ASTN2: variants seen among roughly 807,000 people sequenced by gnomAD.
ASTN2 encodes astrotactin-2.
ASTN2 carries 54 observed loss-of-function variants against 139.8 expected under a neutral mutation model. The observed-to-expected ratio is 0.39, with a 90% CI of 0.31 to 0.48. The LOEUF (loss-of-function observed/expected upper bound fraction) is 0.48. ASTN2 is among the 20% of genes least tolerant of loss of function. The pLI is 0.95. For missense variants in ASTN2, 1,565 were observed against 1,725.1 expected, an observed-to-expected ratio of 0.91 and a Z score of 1.64; for synonymous variants, 756 against 719.5, an observed-to-expected ratio of 1.05 and a Z score of -0.81.
intron 16 of ASTN2, among the ~76,000 whole-genome samples, chr9:116,708,875 C>A (rs1453141587): frequency 6.6e-6 from 1 of 152,222 alleles, no homozygotes; most frequent in Non-Finnish European, 1.5e-5. Flanking sequence ...AATACAGGCA[C>A]TGCAATTAGT....
chr9:117,097,440 C>G (rs1828868039), intron 4 of ASTN2, among the ~76,000 whole-genome samples: 1 of 151,944 alleles, frequency 6.6e-6, no homozygotes, highest in South Asian at 2.1e-4. Flanking sequence ...AAGAAATAAC[C>G]AGGAGAGAGA....
intron 3 of ASTN2, among the ~76,000 whole-genome samples, chr9:117,189,320 A>G (rs1046523078): frequency 1.3e-5 from 2 of 152,174 alleles, no homozygotes; most frequent in African/African-American, 2.4e-5. Flanking sequence ...ATGAGTCAAG[A>G]CAAAGGCATG....
At chr9:116,964,319 G>T (rs752774790) in intron 10 of ASTN2, among the ~76,000 whole-genome samples, 2 of 149,966 alleles carry the variant, frequency 1.3e-5, no homozygotes, top group Admixed American at 6.6e-5. Flanking sequence ...AGTAAGATAC[G>T]CTAAGGGAAA....
intron 3 of ASTN2, among the ~76,000 whole-genome samples, chr9:117,146,794 AAAATT>A (rs1417285772): frequency 6.6e-6 from 1 of 152,166 alleles, no homozygotes; most frequent in Non-Finnish European, 1.5e-5. Flanking sequence ...TATGAGAAAA[AAAATT>A]AAAAGGATAG....
At chr9:116,786,817 G>A (rs557431442) in intron 13 of ASTN2, among the ~76,000 whole-genome samples, 3 of 152,190 alleles carry the variant, frequency 2.0e-5, no homozygotes, top group East Asian at 3.9e-4. Flanking sequence ...TCCTGGGAGA[G>A]ACCAGGTGAA....
At chr9:116,650,176 G>T (rs546607694) in intron 17 of ASTN2, among the ~76,000 whole-genome samples, 1 of 152,280 alleles carries the variant, frequency 6.6e-6, no homozygotes, top group Admixed American at 6.5e-5. Context: ...TGTTGTAGAA[G>T]GAGGAGTGGG....
chr9:116,839,522 C>T lies in ASTN2; in HGVS notation c.2041-18739G>A, dbSNP rs571359468. Among the ~76,000 whole-genome samples, 41 of 152,144 alleles carry T rather than the reference C, an allele frequency of 2.7e-4. 1 individual carries two copies. Among genetic ancestry groups the T allele is most frequent in the African/African-American group, 8.9e-4 (37 of 41,498 alleles). On this transcript the variant is annotated intron_variant, in intron 11 of 22. Transcript: ENST00000313400. ...TGAGACAGAGTCTCGCTCTGTCACC[C>T]AGGATGGAGTGCAGTGGCACGATCT...
chr9:117,291,606 G>A (rs752073532), intron 1 of ASTN2, 93 bp from the exon 2 acceptor site: 57 of 1,225,652 alleles, frequency 4.7e-5, no homozygotes, highest in Non-Finnish European at 6.0e-5. Context: ...GAGCTCAGAA[G>A]GCATCCATTT....
chr9:116,803,506 A>T (rs1588306094), intron 13 of ASTN2, among the ~76,000 whole-genome samples: 1 of 7,902 alleles, frequency 1.3e-4, no homozygotes, highest in East Asian at 0.011. Context: ...ATATATATAT[A>T]TATATATATA....
At chr9:116,610,408 C>G (rs890698257) in intron 19 of ASTN2, among the ~76,000 whole-genome samples, 1 of 152,106 alleles carries the variant, frequency 6.6e-6, no homozygotes, top group Non-Finnish European at 1.5e-5. Flanking sequence ...AGTTTGAGAT[C>G]AGCCTGGCCA....
chr9:116,984,837 T>C (rs1350702066), intron 7 of ASTN2, among the ~76,000 whole-genome samples: 1 of 152,190 alleles, frequency 6.6e-6, no homozygotes, highest in Non-Finnish European at 1.5e-5. Flanking sequence ...TCTCCCACTT[T>C]TCCAAATCTT....
At chr9:116,976,879 C>G (rs1029263513) in intron 7 of ASTN2, 94 bp from the exon 8 acceptor site, 2 of 1,134,842 alleles carry the variant, frequency 1.8e-6, no homozygotes, top group Admixed American at 2.1e-5. Flanking sequence ...ATAAAGTGAG[C>G]TGCTTAGTTT....
At chr9:117,093,719 C>G (rs1389272558) in intron 5 of ASTN2, among the ~76,000 whole-genome samples, 1 of 152,182 alleles carries the variant, frequency 6.6e-6, no homozygotes, top group East Asian at 1.9e-4. Context: ...TTGCCTAGAA[C>G]AAAGATGTTG....
intron 1 of ASTN2, among the ~76,000 whole-genome samples, chr9:117,322,052 T>C (rs1249605820): frequency 6.6e-6 from 1 of 152,156 alleles, no homozygotes; most frequent in East Asian, 1.9e-4. Context: ...CTGGTCCCTC[T>C]GTTTGGAATC....
chr9:116,894,173 C>A (rs187729571), intron 10 of ASTN2, among the ~76,000 whole-genome samples: 30 of 152,212 alleles, frequency 2.0e-4, no homozygotes, highest in Middle Eastern at 3.4e-3. Flanking sequence ...GTTCCTAGAT[C>A]AAAAACATGT....
rs535455994 is a variant in ASTN2, at chr9:116,901,769, C to A, written c.1890-38036G>T. Among the ~76,000 whole-genome samples the A allele has an allele frequency of 1.1e-3, 170 of 152,314 alleles. 1 individual carries two copies. The highest frequency in any genetic ancestry group is 3.9e-3 in the African/African-American group (163 of 41,576). On this transcript the variant is annotated intron_variant, in intron 10 of 22. Coordinates refer to ENST00000313400, the MANE Select transcript of ASTN2 (RefSeq NM_001365068.1). ...AACTGTTATAGGCCAGGCACGGTGG[C>A]TCACGCCTGTAATCCCAGCACTTTG...
At chr9:117,170,147 T>G (rs1830757610) in intron 3 of ASTN2, among the ~76,000 whole-genome samples, 1 of 152,098 alleles carries the variant, frequency 6.6e-6, no homozygotes, top group Non-Finnish European at 1.5e-5. Flanking sequence ...TAGCAAGTAT[T>G]TAATAGTAAT....
At chr9:117,134,295 TAC>T (rs3041140) in intron 4 of ASTN2, among the ~76,000 whole-genome samples, 6,212 of 72,600 alleles carry the variant, frequency 0.086, 136 homozygotes, top group Non-Finnish European at 0.1. Context: ...TATATATATA[TAC>T]ACACACACAC....
chr9:117,165,018 G>A (rs1026600651), intron 3 of ASTN2, among the ~76,000 whole-genome samples: 2 of 152,062 alleles, frequency 1.3e-5, no homozygotes, highest in African/African-American at 4.8e-5. Flanking sequence ...GATATGGCTG[G>A]TGTAGGGTAG....
Sources: gnomAD v4.1 joint callset for allele counts (sites outside exome capture counted in the v4.1 genomes callset) on GRCh38, gnomAD v4.1.1 for gene constraint, MANE v1.5 for transcripts, NCBI Gene and HGNC (gene_info 2026-07-23, HGNC 2026-07-21) for gene names.